Variants in TRIM61 observed in about 807,000 individuals in gnomAD.
The protein encoded by TRIM61 is tripartite motif containing 61.
Under a neutral mutation model 14.2 loss-of-function variants are expected in TRIM61, and 1 was observed. The observed-to-expected ratio is 0.07, with a 90% CI of 0.03 to 0.33. TRIM61 has a LOEUF of 0.33. TRIM61 is among the 10% of genes least tolerant of loss of function. The pLI, the probability that TRIM61 is intolerant of heterozygous loss-of-function variation, is 0.99. For synonymous variants in TRIM61, 8 were observed against 71.6 expected, an observed-to-expected ratio of 0.11 and a Z score of 4.49; for missense variants, 19 against 202.2, an observed-to-expected ratio of 0.09 and a Z score of 5.49.
At chr4:164,965,240 A>T (rs547572377) in intron 3 of TRIM61, among the ~76,000 whole-genome samples, 1 of 152,148 alleles carries the variant, frequency 6.6e-6, no homozygotes, top group Admixed American at 6.5e-5. Flanking sequence ...GTGAGCTGAG[A>T]TTGCACCACT....
At chr4:164,957,553 G>A (rs1732040906) in intron 3 of TRIM61, 4 of 1,521,746 alleles carry the variant, frequency 2.6e-6, no homozygotes, top group Admixed American at 2.2e-5. Context: ...GAAACAGCAA[G>A]TGTAAAATGC....
intron 3 of TRIM61, among the ~76,000 whole-genome samples, chr4:164,965,528 G>C (rs1732221365): frequency 6.7e-6 from 1 of 148,262 alleles, no homozygotes; most frequent in Non-Finnish European, 1.5e-5. Flanking sequence ...CTGCCTCCTG[G>C]GTTCAAGTGA....
chr4:164,963,124 T>C (rs1732170994), intron 3 of TRIM61, among the ~76,000 whole-genome samples: 1 of 152,226 alleles, frequency 6.6e-6, no homozygotes, highest in South Asian at 2.1e-4. Flanking sequence ...AGTGCACCTG[T>C]AGTCCCAGCT....
chr4:164,968,215 C>A (rs975222456), intron 3 of TRIM61, 66 bp downstream of exon 3: 1 of 983,996 alleles, frequency 1.0e-6, no homozygotes, highest in Non-Finnish European at 1.2e-6. Context: ...TAGCAGTAGT[C>A]CAAGAGTAAT....
intron 1 of TRIM61, among the ~76,000 whole-genome samples, chr4:164,977,244 C>T (rs1386482844): frequency 1.3e-5 from 2 of 152,162 alleles, no homozygotes; most frequent in Non-Finnish European, 2.9e-5. Flanking sequence ...ACTCCCCAAC[C>T]CCCACTCCCA....
chr4:164,960,315 C>A (rs977930685), intron 3 of TRIM61, among the ~76,000 whole-genome samples: 3 of 151,764 alleles, frequency 2.0e-5, no homozygotes, highest in Non-Finnish European at 4.4e-5. Context: ...GAGGCCGAGG[C>A]GGGTGGATCA....
chr4:164,974,207 T>A (rs1240876155), intron 2 of TRIM61, among the ~76,000 whole-genome samples: 1 of 152,190 alleles, frequency 6.6e-6, no homozygotes, highest in African/African-American at 2.4e-5. Flanking sequence ...TAAAAGCTGT[T>A]ATGGCTTATA....
At chr4:164,970,966 T>A (rs559741825) in intron 2 of TRIM61, among the ~76,000 whole-genome samples, 28 of 152,222 alleles carry the variant, frequency 1.8e-4, no homozygotes, top group Admixed American at 1.0e-3. Context: ...CTGGGCATGG[T>A]GGCATGTGCC....
chr4:164,971,308 G>A (rs1289459806), intron 2 of TRIM61, among the ~76,000 whole-genome samples: 1 of 151,860 alleles, frequency 6.6e-6, no homozygotes, highest in African/African-American at 2.4e-5. Flanking sequence ...AAAAAAATGT[G>A]TAGCCGAGTG....
At chr4:164,962,707 A>AAG (rs33990879) in intron 3 of TRIM61, among the ~76,000 whole-genome samples, 5 of 151,628 alleles carry the variant, frequency 3.3e-5, no homozygotes, top group Non-Finnish European at 5.9e-5. Flanking sequence ...AAAAAAAAAA[A>AAG]GTACTTTGGG....
At chr4:164,973,086 T>G (rs1732404315) in intron 2 of TRIM61, among the ~76,000 whole-genome samples, 2 of 152,196 alleles carry the variant, frequency 1.3e-5, no homozygotes, top group Admixed American at 6.5e-5. Context: ...TAGGACTAAG[T>G]TTTGGTCCTT....
chr4:164,964,592 T>C (rs1732200412), intron 3 of TRIM61, among the ~76,000 whole-genome samples: 1 of 152,200 alleles, frequency 6.6e-6, no homozygotes, highest in African/African-American at 2.4e-5. Context: ...CTCTTTCCAC[T>C]ATCTCAGTGC....
chr4:164,975,734 C>T (rs1451534667), intron 2 of TRIM61, among the ~76,000 whole-genome samples: 1 of 152,172 alleles, frequency 6.6e-6, no homozygotes, highest in Non-Finnish European at 1.5e-5. Context: ...CAAGGTTTCT[C>T]CCCATGTGAT....
At chr4:164,963,455 G>A (rs988886636) in intron 3 of TRIM61, among the ~76,000 whole-genome samples, 1 of 152,100 alleles carries the variant, frequency 6.6e-6, no homozygotes, top group African/African-American at 2.4e-5. Flanking sequence ...TTAAAGAATA[G>A]AAATCACACA....
chr4:164,971,606 A>T (rs989600691), intron 2 of TRIM61, among the ~76,000 whole-genome samples: 1 of 151,678 alleles, frequency 6.6e-6, no homozygotes, highest in Non-Finnish European at 1.5e-5. Flanking sequence ...AAAAAAAAAA[A>T]GTGTAAATAG....
chr4:164,973,472 G>A (rs1405430658), intron 2 of TRIM61, among the ~76,000 whole-genome samples: 4 of 152,068 alleles, frequency 2.6e-5, no homozygotes, highest in Non-Finnish European at 4.4e-5. Context: ...TATTTTAAAA[G>A]GGAAAAATGG....
At chr4:164,968,870 T>A (rs1199221813) in intron 3 of TRIM61, 1 of 988,456 alleles carries the variant, frequency 1.0e-6, no homozygotes, top group East Asian at 1.1e-4. Context: ...TAAAATTGGT[T>A]GACTCTTCCT....
At chr4:164,959,674 T>A (rs1481519147) in intron 3 of TRIM61, among the ~76,000 whole-genome samples, 2 of 151,690 alleles carry the variant, frequency 1.3e-5, no homozygotes, top group African/African-American at 4.8e-5. Flanking sequence ...CTAAGAGGAG[T>A]TGAGTAAAAA....
rs190290862 is a variant in TRIM61, at chr4:164,966,679, G to A, written c.525+2799C>T. 1.4e-3 allele frequency among the ~76,000 whole-genome samples: 219 copies of A among 152,260 alleles called. 3 individuals are homozygous for A. The highest frequency in any genetic ancestry group is 0.013 in the East Asian group (65 of 5,190). On this transcript the variant is annotated intron_variant, in intron 3 of 4. Coordinates refer to ENST00000329314, the MANE Select transcript of TRIM61 (RefSeq NM_001012414.3). ...TGTAATTCCAGCACTTTGGGAGGCC[G>A]GAGTGGGTGGATCACCTGAGGTCAG...
Sources: gnomAD v4.1 joint callset for allele counts (sites outside exome capture counted in the v4.1 genomes callset) on GRCh38, gnomAD v4.1.1 for gene constraint, MANE v1.5 for transcripts, NCBI Gene and HGNC (gene_info 2026-07-23, HGNC 2026-07-21) for gene names.